NCOR1: variants seen among roughly 807,000 people sequenced by gnomAD.
NCOR1 encodes protein phosphatase 1, regulatory subunit 109.
In NCOR1, 63 loss-of-function variants were observed where a neutral mutation model predicts 288.1. The ratio of observed to expected loss-of-function variants is 0.22; its 90% CI spans 0.18 to 0.27. The LOEUF (loss-of-function observed/expected upper bound fraction) is 0.27, where lower values mean the gene tolerates loss of function less well. NCOR1 is among the 10% of genes least tolerant of loss of function. NCOR1 has a pLI of 1.00. For missense variants in NCOR1, 2,397 were observed against 3,019.2 expected (o/e 0.79, Z 4.83); for synonymous variants, 1,007 against 1,065.9 (o/e 0.94, Z 1.08).
At chr17:16,086,175 C>T in intron 23 of NCOR1, 107 bp downstream of exon 23, 1 of 1,206,168 alleles carries the variant, frequency 8.3e-7, no homozygotes, top group Non-Finnish European at 1.2e-6. Context: ...CATATTCAGA[C>T]AGATTATTAT....
intron 21 of NCOR1, among the ~76,000 whole-genome samples, chr17:16,096,006 C>T (rs961746098): frequency 1.3e-5 from 2 of 152,088 alleles, no homozygotes; most frequent in African/African-American, 4.8e-5. Context: ...GCCTTGGGAT[C>T]CTGTTGATCT....
chr17:16,082,074 C>G (rs2063494467), intron 23 of NCOR1, among the ~76,000 whole-genome samples: 1 of 152,184 alleles, frequency 6.6e-6, no homozygotes, highest in Non-Finnish European at 1.5e-5. Flanking sequence ...TAATCATTAG[C>G]TGATCACTAA....
At position 16,070,519 on chromosome 17, in the gene NCOR1, G is replaced by T; in HGVS notation, c.4159C>A (p.Pro1387Thr). The part of the protein sequence containing the change: ...IIEGSISQGT[P>T]IKFDNNSGQS... ...CCTGAGTTGTTGTCAAACTTTATTG[G>T]TGTGCCCTAAAGGGAAAGAAACAAA... The change falls in exon 31 of 46, where the codon CCA (proline) becomes ACA (threonine). Residue 1387 changes from proline to threonine, a missense_variant. This residue lies in a region of NCOR1 where 1,872 missense variants were observed against 2,187.8 expected (regional missense o/e 0.86). Coordinates refer to ENST00000268712, the MANE Select transcript of NCOR1 (RefSeq NM_006311.4). 5.0e-6 allele frequency: 8 copies of T among 1,613,336 alleles called. No homozygotes were observed. Among genetic ancestry groups the T allele is most frequent in the Non-Finnish European group, 5.9e-6 (7 of 1,179,520 alleles).
chr17:16,122,060 T>C (rs540856623), intron 15 of NCOR1, among the ~76,000 whole-genome samples: 5 of 152,318 alleles, frequency 3.3e-5, no homozygotes, highest in African/African-American at 1.2e-4. Context: ...AAGTAACAGT[T>C]TGCTATTATT....
chr17:16,090,187 T>C lies in NCOR1; in HGVS notation c.3016+1676A>G, dbSNP rs77237639. 9.0e-3 allele frequency among the ~76,000 whole-genome samples: 1,364 copies of C among 152,224 alleles called. 24 individuals are homozygous for C. The highest frequency in any genetic ancestry group is 0.031 in the African/African-American group (1,299 of 41,562). Reference sequence around the variant, plus strand: ...TTATAAAGCAGACCAATAAAAGATATTGAGGCTTTAAAATTATGATATCCA... The same window carrying C: ...TTATAAAGCAGACCAATAAAAGATACTGAGGCTTTAAAATTATGATATCCA... On this transcript the variant is annotated intron_variant, in intron 22 of 45. Transcript: ENST00000268712.
In NCOR1 at chr17:16,121,143, C is replaced by T. The variant is rs2153151917; in HGVS notation, c.1761G>A (p.Arg587=). Residue 587 remains arginine, a synonymous_variant, in exon 16 of 46, where the codon AGG becomes AGA. Transcript: ENST00000268712. ...SQGRRKGRIT[R]SMTNEAAAAS... Reference sequence around the variant, plus strand: ...CAGCTGCAGCTTCGTTTGTCATGGACCTGGTGATCCGGCCCTTACGGCGGC... The same window carrying T: ...CAGCTGCAGCTTCGTTTGTCATGGATCTGGTGATCCGGCCCTTACGGCGGC... 6.2e-7 allele frequency: 1 copy of T among 1,614,144 alleles called. No individual in the cohort carries two copies. The highest frequency in any genetic ancestry group is 1.1e-5 in the South Asian group (1 of 91,082).
At chr17:16,106,640 G>C (rs773155809) in intron 19 of NCOR1, among the ~76,000 whole-genome samples, 1 of 151,836 alleles carries the variant, frequency 6.6e-6, no homozygotes, top group Non-Finnish European at 1.5e-5. Context: ...ACAATAAACA[G>C]TGCATCTGTG....
chr17:16,158,511 T>C (rs1410940546), intron 6 of NCOR1, among the ~76,000 whole-genome samples: 1 of 152,188 alleles, frequency 6.6e-6, no homozygotes, highest in Admixed American at 6.5e-5. Flanking sequence ...ATTTCACTGA[T>C]TAAATATTTA....
At chr17:16,188,579 C>G (rs1260655000) in intron 2 of NCOR1, among the ~76,000 whole-genome samples, 5 of 150,924 alleles carry the variant, frequency 3.3e-5, no homozygotes, top group African/African-American at 7.3e-5. Flanking sequence ...CCATTGCACT[C>G]TAGTCCAAGC....
intron 8 of NCOR1, chr17:16,151,485 T>C: frequency 1.3e-6 from 1 of 796,238 alleles, no homozygotes; most frequent in Non-Finnish European, 1.9e-6. Flanking sequence ...GGATTTTGAA[T>C]AATGATAAAA....
chr17:16,161,850 T>C (rs557886158), intron 5 of NCOR1, among the ~76,000 whole-genome samples: 7 of 152,140 alleles, frequency 4.6e-5, no homozygotes, highest in Non-Finnish European at 7.4e-5. Flanking sequence ...CTAATTATTA[T>C]AGTGGATTGC....
intron 35 of NCOR1, among the ~76,000 whole-genome samples, chr17:16,063,453 G>C (rs2060763689): frequency 6.6e-6 from 1 of 152,132 alleles, no homozygotes; most frequent in African/African-American, 2.4e-5. Context: ...GAGTAGCTGG[G>C]ATTATAGGCA....
chr17:16,111,681 C>G (rs922355868), intron 18 of NCOR1, among the ~76,000 whole-genome samples: 4 of 151,502 alleles, frequency 2.6e-5, no homozygotes, highest in African/African-American at 9.7e-5. Flanking sequence ...TGGGGTCCAA[C>G]TGCAACTCTT....
intron 5 of NCOR1, among the ~76,000 whole-genome samples, chr17:16,159,690 G>C (rs2080429614): frequency 6.6e-6 from 1 of 152,078 alleles, no homozygotes; most frequent in African/African-American, 2.4e-5. Flanking sequence ...TCCGGTCAAA[G>C]GGCAATCAAC....
At chr17:16,034,719 A>G (rs1973790473) in intron 45 of NCOR1, 46 bp downstream of exon 45, 9 of 1,477,830 alleles carry the variant, frequency 6.1e-6, no homozygotes, top group East Asian at 2.3e-5. Flanking sequence ...CAAGACATTG[A>G]TATTATTGCT....
intron 3 of NCOR1, among the ~76,000 whole-genome samples, chr17:16,180,272 C>T (rs178828): frequency 0.58 from 87,690 of 151,974 alleles, 25,875 homozygotes; most frequent in African/African-American, 0.66. Flanking sequence ...CTCCAAAAGA[C>T]AACAAATGTT....
chr17:16,133,540 T>C (rs1194290850), intron 14 of NCOR1, among the ~76,000 whole-genome samples: 3 of 152,344 alleles, frequency 2.0e-5, no homozygotes, highest in African/African-American at 4.8e-5. Flanking sequence ...TCAAGGGAGT[T>C]GATACATAGA....
rs145780224 is a variant in NCOR1 at position 16,084,898 on chromosome 17, C to T, written c.3177+1384G>A. Reference sequence around the variant, plus strand: ...GAATATCTCACAACCTTGGAGCAGGCCAAGATTTCTTAGCAAAATAAAACT... The same window carrying T: ...GAATATCTCACAACCTTGGAGCAGGTCAAGATTTCTTAGCAAAATAAAACT... On this transcript the variant is annotated intron_variant, in intron 23 of 45. Transcript: ENST00000268712. 2.5e-3 allele frequency among the ~76,000 whole-genome samples: 386 copies of T among 151,994 alleles called. 1 individual carries two copies. Among genetic ancestry groups the T allele is most frequent in the Middle Eastern group, 0.01 (3 of 294 alleles).
chr17:16,153,546 T>C (rs927377039), intron 6 of NCOR1, 151 bp from the exon 7 acceptor site: 12 of 471,474 alleles, frequency 2.5e-5, no homozygotes, highest in Non-Finnish European at 4.1e-5. Context: ...GGCTGAAATA[T>C]GCTCCAGTTA....
Sources: allele counts gnomAD v4.1 joint callset (sites outside exome capture counted in the v4.1 genomes callset), GRCh38; gene constraint gnomAD v4.1.1; regional missense constraint gnomAD v4.1.1; transcripts MANE v1.5; gene names NCBI Gene and HGNC (gene_info 2026-07-23, HGNC 2026-07-21).